Variants in DCLK2 observed in about 807,000 individuals in gnomAD.
DCLK2 encodes the protein doublecortin like kinase 2, also known as serine/threonine-protein kinase DCLK2.
DCLK2 carries 31 observed loss-of-function variants against 78.4 expected under a neutral mutation model. The observed-to-expected ratio is 0.40, with a 90% confidence interval of 0.30 to 0.53. The LOEUF (loss-of-function observed/expected upper bound fraction) is 0.53. Among genes scored for constraint, DCLK2 ranks in the 20% least tolerant of loss-of-function variants. The pLI, the probability that DCLK2 is intolerant of heterozygous loss-of-function variation, is 0.61. For synonymous variants in DCLK2, 407 were observed against 374.9 expected (o/e 1.09, Z -0.99); for missense variants, 872 against 973.7 (o/e 0.90, Z 1.39).
At chr4:150,123,969 A>G (rs1281687034) in intron 2 of DCLK2, among the ~76,000 whole-genome samples, 2 of 151,966 alleles carry the variant, frequency 1.3e-5, no homozygotes, top group Non-Finnish European at 2.9e-5. Flanking sequence ...GAGCCTGGGA[A>G]GCAGAAGTTG....
chr4:150,140,143 A>G (rs1383453951), intron 2 of DCLK2, among the ~76,000 whole-genome samples: 1 of 152,222 alleles, frequency 6.6e-6, no homozygotes, highest in Non-Finnish European at 1.5e-5. Flanking sequence ...CATAGAAAAC[A>G]TAAACATAAT....
chr4:150,114,173 A>G (rs985194885), intron 2 of DCLK2, among the ~76,000 whole-genome samples: 2 of 152,084 alleles, frequency 1.3e-5, no homozygotes, highest in African/African-American at 4.8e-5. Flanking sequence ...CATATGGTCT[A>G]TCTTGGAGAA....
intron 11 of DCLK2, 81 bp from the exon 12 acceptor site, chr4:150,240,318 A>G (rs11931842): frequency 0.37 from 422,506 of 1,140,086 alleles, 88,231 homozygotes; most frequent in Non-Finnish European, 0.44. Flanking sequence ...TTTTCCTAAC[A>G]AATAAAGGCA....
chr4:150,120,181 A>G (rs909144110), intron 2 of DCLK2, among the ~76,000 whole-genome samples: 2 of 152,352 alleles, frequency 1.3e-5, no homozygotes, highest in South Asian at 4.1e-4. Context: ...TATAACCGAT[A>G]CAGGAAAATA....
intron 2 of DCLK2, among the ~76,000 whole-genome samples, chr4:150,135,596 A>G (rs1733635082): frequency 6.6e-6 from 1 of 152,168 alleles, no homozygotes; most frequent in South Asian, 2.1e-4. Context: ...GCTGCAGTGA[A>G]ATGATGTAAA....
At chr4:150,185,511 C>T (rs1311614691) in intron 2 of DCLK2, among the ~76,000 whole-genome samples, 1 of 151,482 alleles carries the variant, frequency 6.6e-6, no homozygotes, top group Admixed American at 6.6e-5. Flanking sequence ...GTCAGGAGTT[C>T]GAGACCAGCC....
intron 2 of DCLK2, among the ~76,000 whole-genome samples, chr4:150,114,574 G>A (rs1731936092): frequency 1.3e-5 from 2 of 152,112 alleles, no homozygotes; most frequent in African/African-American, 4.8e-5. Context: ...ACTTCTTTTA[G>A]CAGGCTGGTC....
intron 2 of DCLK2, among the ~76,000 whole-genome samples, chr4:150,113,746 C>A (rs1290905978): frequency 1.4e-5 from 2 of 140,726 alleles, no homozygotes; most frequent in African/African-American, 2.7e-5. Context: ...ATATCAGTTT[C>A]ATTTAGTTTT....
At chr4:150,158,841 CAG>C (rs1322746289) in intron 2 of DCLK2, among the ~76,000 whole-genome samples, 2 of 151,668 alleles carry the variant, frequency 1.3e-5, no homozygotes, top group Non-Finnish European at 2.9e-5. Context: ...GCTGAGGTGA[CAG>C]TGAGACACCA....
At chr4:150,162,345 A>G (rs1016289264) in intron 2 of DCLK2, among the ~76,000 whole-genome samples, 1 of 152,138 alleles carries the variant, frequency 6.6e-6, no homozygotes, top group East Asian at 1.9e-4. Context: ...TTTATTTTTA[A>G]TACATTAAAG....
chr4:150,164,964 A>T (rs546465916), intron 2 of DCLK2, among the ~76,000 whole-genome samples: 1 of 152,172 alleles, frequency 6.6e-6, no homozygotes, highest in African/African-American at 2.4e-5. Flanking sequence ...CTCCTTTTAA[A>T]GATTTTGAGC....
intron 2 of DCLK2, among the ~76,000 whole-genome samples, chr4:150,185,821 A>G (rs1737887401): frequency 6.6e-6 from 1 of 152,218 alleles, no homozygotes; most frequent in Non-Finnish European, 1.5e-5. Flanking sequence ...GGTTGTGGCA[A>G]GCTGTTACGA....
chr4:150,141,958 G>T (rs1220280672), intron 2 of DCLK2, among the ~76,000 whole-genome samples: 2 of 152,142 alleles, frequency 1.3e-5, no homozygotes, highest in African/African-American at 4.8e-5. Context: ...GAAGTTTAAT[G>T]CTTGACATAT....
At chr4:150,205,418 G>C (rs1419034555) in intron 5 of DCLK2, among the ~76,000 whole-genome samples, 1 of 152,136 alleles carries the variant, frequency 6.6e-6, no homozygotes, top group Non-Finnish European at 1.5e-5. Flanking sequence ...GCTTATCCTT[G>C]GCAGAATTTG....
At position 150,142,751 on chromosome 4, in the gene DCLK2, T is replaced by C. The variant is rs564142097; in HGVS notation, c.756+39939T>C. On this transcript the variant is annotated intron_variant, in intron 2 of 15. Coordinates refer to ENST00000296550, the MANE Select transcript of DCLK2 (RefSeq NM_001040260.4). ...GTGGTTTGTACCTTTAGTGAACTTA[T>C]ATTTAAATATGCAAACTAAAGAAGC... is the stretch of plus-strand genomic sequence containing the variant. 7.2e-5 allele frequency among the ~76,000 whole-genome samples: 11 copies of C among 152,224 alleles called. No individual in the cohort carries two copies. In the South Asian group the frequency reaches 1.5e-3, roughly 20 times the overall value.
At chr4:150,192,354 C>A (rs779587847) in intron 2 of DCLK2, among the ~76,000 whole-genome samples, 94 of 151,772 alleles carry the variant, frequency 6.2e-4, no homozygotes, top group Non-Finnish European at 1.1e-3. Flanking sequence ...GTGGCATGCA[C>A]CTGTAGTCCC....
At chr4:150,218,049 C>G (rs111392428) in intron 5 of DCLK2, among the ~76,000 whole-genome samples, 25 of 151,980 alleles carry the variant, frequency 1.6e-4, no homozygotes, top group African/African-American at 6.0e-4. Context: ...TGCTCGCTCT[C>G]ACTCTCGCTC....
At chr4:150,197,517 G>C (rs1419878871) in intron 3 of DCLK2, among the ~76,000 whole-genome samples, 1 of 152,160 alleles carries the variant, frequency 6.6e-6, no homozygotes, top group Non-Finnish European at 1.5e-5. Context: ...ACTTTGGGAG[G>C]CTGAGGCGGG....
At position 150,203,834 on chromosome 4, in the gene DCLK2, C is replaced by G. The variant is rs759686503; in HGVS notation, c.1001C>G (p.Ser334Cys). The change falls in exon 5 of 16, where the codon TCT becomes TGT. Residue 334 changes from serine to cysteine, a missense_variant. Around this residue, in one of 3 missense-constraint regions of DCLK2, gnomAD observed 567 missense variants for 593.4 expected, o/e 0.96. Transcript: ENST00000296550. ...AGCAGCCAACTTTCTACTCCTAAAT[C>G]TACGAAATCCTCCAGTTCCTCTCCA... Reference protein sequence around the residue: ...TPSSQLSTPKSTKSSSSSPTS... With the variant: ...TPSSQLSTPKCTKSSSSSPTS... 1 of 1,613,962 alleles carries G rather than the reference C, an allele frequency of 6.2e-7. No individual in the cohort carries two copies. The highest frequency in any genetic ancestry group is 8.5e-7 in the Non-Finnish European group (1 of 1,179,940).
Sources: allele counts gnomAD v4.1 joint callset (sites outside exome capture counted in the v4.1 genomes callset), GRCh38; gene constraint gnomAD v4.1.1; regional missense constraint gnomAD v4.1.1; transcripts MANE v1.5; gene names NCBI Gene and HGNC (gene_info 2026-07-23, HGNC 2026-07-21).